The following RNF168 variants were observed in gnomAD, a reference collection of about 807,000 sequenced individuals.
RNF168 encodes E3 ubiquitin-protein ligase RNF168.
Under a neutral mutation model 34.9 loss-of-function variants are expected in RNF168, and 34 were observed. The ratio of observed to expected loss-of-function variants is 0.97; its 90% CI spans 0.74 to 1.30. The LOEUF (loss-of-function observed/expected upper bound fraction) is 1.30, where lower values mean the gene tolerates loss of function less well. Among genes scored for constraint, RNF168 ranks in the 50% most tolerant of loss-of-function variants. The pLI, the probability that RNF168 is intolerant of heterozygous loss-of-function variation, is 0.00. For missense variants in RNF168, 725 were observed against 682.5 expected, an observed-to-expected ratio of 1.06 and a Z score of -0.69; for synonymous variants, 264 against 254.7, an observed-to-expected ratio of 1.04 and a Z score of -0.35.
chr3:196,498,703 T>TA (rs1194024375), intron 1 of RNF168, among the ~76,000 whole-genome samples: 1 of 152,046 alleles, frequency 6.6e-6, no homozygotes, highest in East Asian at 1.9e-4. Context: ...TACACAAGAA[T>TA]AAATCTTGAG....
Position 196,503,629 on chromosome 3 carries a change from C to T in RNF168, c.-456G>A. 4.5e-6 allele frequency: 1 copy of T among 223,686 alleles called. No homozygotes were observed. Among genetic ancestry groups the T allele is most frequent in the South Asian group, 5.2e-5 (1 of 19,168 alleles). 13.9% of individuals were successfully genotyped at this position (223,686 alleles called of 1,614,324 possible). On this transcript the variant is annotated 5_prime_UTR_variant, in exon 1 of 6. Coordinates refer to ENST00000318037, the MANE Select transcript of RNF168 (RefSeq NM_152617.4). ...GGCTGCAGCATAACTTCCGCTTTAC[C>T]GCTGCTGCGGGGGAGACGCGCGACT...
rs1330365145 is a variant in RNF168 at position 196,483,637 on chromosome 3, T to C, written c.680+133A>G. 7.8e-6 allele frequency: 6 copies of C among 773,864 alleles called. No homozygotes were observed. In the East Asian group the frequency reaches 1.0e-4, roughly 13 times the overall value. 47.9% of individuals were successfully genotyped at this position (773,864 alleles called of 1,614,324 possible). The stretch of plus-strand genomic sequence containing the variant: ...TGTGAGTAGCTCTCTCCTTTTCAAT[T>C]TACCTCAACCTCAGACTATTTTCAT... On this transcript the variant is annotated intron_variant, in intron 4 of 5. Coordinates refer to ENST00000318037, the MANE Select transcript of RNF168 (RefSeq NM_152617.4).
chr3:196,481,897 T>C (rs918844198), intron 4 of RNF168, among the ~76,000 whole-genome samples: 1 of 150,918 alleles, frequency 6.6e-6, no homozygotes, highest in African/African-American at 2.4e-5. Flanking sequence ...CCTCAAGCAA[T>C]CCTACCACCT....
chr3:196,472,204 T>C lies in RNF168; in HGVS notation c.1331A>G (p.Glu444Gly), dbSNP rs375328768. ...TTGTAATGCCAATAACCTGTCCTGT[T>C]CTTCTTGTTTATGTCTCTCAAACAG... is the stretch of plus-strand genomic sequence containing the variant. The part of the protein sequence containing the change: ...HLLFERHKQE[E>G]QDRLLALQLQ... The change falls in exon 6 of 6, where the codon GAA becomes GGA. Residue 444 changes from glutamate to glycine, a missense_variant. Physicochemically the swap from Glu to Gly is moderately conservative, Grantham distance 98. Coordinates refer to ENST00000318037, the MANE Select transcript of RNF168 (RefSeq NM_152617.4). 1.2e-6 allele frequency: 2 copies of C among 1,613,990 alleles called. No homozygotes were observed. Among genetic ancestry groups the C allele is most frequent in the African/African-American group, 2.7e-5 (2 of 74,938 alleles).
intron 1 of RNF168, among the ~76,000 whole-genome samples, chr3:196,497,486 A>G (rs371419379): frequency 3.3e-5 from 5 of 152,092 alleles, no homozygotes; most frequent in East Asian, 3.9e-4. Context: ...CCTGGCCAAC[A>G]TGGTGAAGCC....
At position 196,503,598 on chromosome 3, in the gene RNF168, G is replaced by A. The variant is rs1274700059; in HGVS notation, c.-425C>T. On this transcript the variant is annotated 5_prime_UTR_variant, in exon 1 of 6. Coordinates refer to ENST00000318037, the MANE Select transcript of RNF168 (RefSeq NM_152617.4). Reference sequence around the variant, plus strand: ...GGACGCGGCTCCGGGAGGAAGCCCGGGCTCCGGCTGCAGCATAACTTCCGC... The same window carrying A: ...GGACGCGGCTCCGGGAGGAAGCCCGAGCTCCGGCTGCAGCATAACTTCCGC... 4.2e-6 allele frequency: 1 copy of A among 236,554 alleles called. No individual in the cohort carries two copies. The highest frequency in any genetic ancestry group is 8.6e-6 in the Non-Finnish European group (1 of 116,880). 14.7% of individuals were successfully genotyped at this position (236,554 alleles called of 1,614,324 possible).
At chr3:196,500,301 A>G (rs1732846857) in intron 1 of RNF168, among the ~76,000 whole-genome samples, 1 of 152,228 alleles carries the variant, frequency 6.6e-6, no homozygotes, top group African/African-American at 2.4e-5. Context: ...TAGCATATAC[A>G]TACACTGGAA....
At chr3:196,485,379 C>T (rs1577515154) in intron 3 of RNF168, among the ~76,000 whole-genome samples, 1 of 151,970 alleles carries the variant, frequency 6.6e-6, no homozygotes, top group East Asian at 1.9e-4. Context: ...GTGGTGGCGG[C>T]ACCTGTAATC....
chr3:196,473,314 A>C (rs1732058805), intron 5 of RNF168, among the ~76,000 whole-genome samples: 1 of 152,226 alleles, frequency 6.6e-6, no homozygotes. Context: ...AAATTAAGAT[A>C]TACAGTAGCT....
intron 5 of RNF168, 103 bp downstream of exon 5, chr3:196,475,128 T>C (rs1732113602): frequency 1.3e-6 from 1 of 743,368 alleles, no homozygotes; most frequent in Admixed American, 2.0e-5. Context: ...GGGTGTTTGA[T>C]TAACTATAGG....
intron 4 of RNF168, among the ~76,000 whole-genome samples, chr3:196,482,333 T>A (rs564301777): frequency 2.2e-4 from 34 of 152,352 alleles, no homozygotes; most frequent in African/African-American, 8.2e-4. Flanking sequence ...CCACATTTTG[T>A]TTACCCATTC....
intron 4 of RNF168, 129 bp downstream of exon 4, chr3:196,483,641 C>G (rs543742866): frequency 2.5e-6 from 2 of 799,212 alleles, no homozygotes; most frequent in African/African-American, 3.4e-5. Context: ...TTCAATTTAC[C>G]TCAACCTCAG....
intron 4 of RNF168, among the ~76,000 whole-genome samples, chr3:196,482,380 G>A (rs1158844316): frequency 2.6e-5 from 4 of 151,900 alleles, no homozygotes; most frequent in African/African-American, 7.3e-5. Context: ...TCTACCTTTC[G>A]GTTATTTGAA....
chr3:196,497,574 G>A (rs1308813430), intron 1 of RNF168, among the ~76,000 whole-genome samples: 5 of 152,096 alleles, frequency 3.3e-5, no homozygotes, highest in Non-Finnish European at 7.3e-5. Flanking sequence ...GGAGGCTGAG[G>A]GAGGAGAATC....
chr3:196,502,361 C>A (rs1577526507), intron 1 of RNF168, among the ~76,000 whole-genome samples: 1 of 151,990 alleles, frequency 6.6e-6, no homozygotes, highest in Non-Finnish European at 1.5e-5. Flanking sequence ...CCGAGGCGGG[C>A]GGATCCCTTG....
intron 1 of RNF168, among the ~76,000 whole-genome samples, chr3:196,501,744 A>G (rs553528105): frequency 9.4e-4 from 143 of 152,298 alleles, no homozygotes; most frequent in Admixed American, 2.8e-3. Flanking sequence ...ATAACGCAAT[A>G]TACCAAAAAC....
rs756087021 is a variant in RNF168 at position 196,503,030 on chromosome 3, A to G, written c.144T>C (p.Ser48=). The G allele has an allele frequency of 2.7e-5, 43 of 1,613,812 alleles. 1 individual carries two copies. In the South Asian group the frequency reaches 4.5e-4, roughly 17 times the overall value. The change falls in exon 1 of 6, where the codon AGT becomes AGC. Residue 48 remains serine (S), a synonymous_variant. Coordinates refer to ENST00000318037, the MANE Select transcript of RNF168 (RefSeq NM_152617.4). The part of the protein sequence containing the change: ...PCFQSTVEKA[S]LCCPFCRRRV... ...GGCGGCGACAGAAGGGACAGCATAA[A>G]CTCGCCTTTTCGACGGTCGACTGGA...
At chr3:196,489,118 A>T (rs1732530633) in intron 1 of RNF168, among the ~76,000 whole-genome samples, 1 of 152,122 alleles carries the variant, frequency 6.6e-6, no homozygotes, top group Non-Finnish European at 1.5e-5. Context: ...GGCCTCCCAA[A>T]GTGCTGCGAT....
intron 3 of RNF168, among the ~76,000 whole-genome samples, chr3:196,484,661 T>C (rs1456803395): frequency 6.6e-6 from 1 of 151,808 alleles, no homozygotes; most frequent in Non-Finnish European, 1.5e-5. Flanking sequence ...GGGTTGTTTT[T>C]GTTTTATTTT....
Sources: gnomAD v4.1 joint callset for allele counts (sites outside exome capture counted in the v4.1 genomes callset) on GRCh38, gnomAD v4.1.1 for gene constraint, MANE v1.5 for transcripts, NCBI Gene and HGNC (gene_info 2026-07-23, HGNC 2026-07-21) for gene names.